PCDHA6: variants seen among roughly 807,000 people sequenced by gnomAD.
The protein encoded by PCDHA6 is protocadherin alpha-6.
PCDHA6 carries 55 observed loss-of-function variants against 60.3 expected under a neutral mutation model. The ratio of observed to expected loss-of-function variants is 0.91; its 90% CI spans 0.73 to 1.14. The LOEUF (loss-of-function observed/expected upper bound fraction) is 1.14. Ranked by LOEUF, PCDHA6 falls within the 50% of genes most tolerant of loss-of-function variation. The pLI is 0.00. For missense variants in PCDHA6, 1,327 were observed against 1,256.5 expected (o/e 1.06, Z -0.85); for synonymous variants, 652 against 557.9 (o/e 1.17, Z -2.38).
chr5:140,969,613 T>C (rs2096347317), intron 1 of PCDHA6: 2 of 727,588 alleles, frequency 2.7e-6, no homozygotes, highest in African/African-American at 1.8e-5. Flanking sequence ...AAACACAGAT[T>C]TGTAGAGAAA....
chr5:140,842,160 C>T (rs1777743066), intron 1 of PCDHA6: 3 of 1,613,732 alleles, frequency 1.9e-6, no homozygotes, highest in Non-Finnish European at 2.5e-6. Flanking sequence ...ATTTCATATT[C>T]TTTTAATAGC....
In PCDHA6 at chr5:140,882,368, T is replaced by C. The variant is rs781902519; in HGVS notation, c.2394+51883T>C. On this transcript the variant is annotated intron_variant, in intron 1 of 3. Transcript: ENST00000529310. ...GACGGGTAGTGGCCAGCTCCACTAC[T>C]CCGTCCCCGAGGAAGCAAAACACGG... 1.9e-6 allele frequency: 3 copies of C among 1,614,218 alleles called. No individual in the cohort carries two copies. The South Asian group carries it at 3.3e-5, about 18-fold the overall frequency.
chr5:141,010,001 A>G lies in PCDHA6; in HGVS notation c.*64A>G. The G allele has an allele frequency of 6.4e-7, 1 of 1,574,588 alleles. No homozygotes were observed. The highest frequency in any genetic ancestry group is 8.6e-7 in the Non-Finnish European group (1 of 1,164,348). On this transcript the variant is annotated 3_prime_UTR_variant, in exon 4 of 4. Transcript: ENST00000529310. ...TAATAATGGCAAATCTCTCCCATGT[A>G]GCAATTCCCTGCTCCTTTTTCCTAT...
At chr5:140,869,347 G>C (rs782437200) in intron 1 of PCDHA6, 1 of 1,614,082 alleles carries the variant, frequency 6.2e-7, no homozygotes, top group Non-Finnish European at 8.5e-7. Context: ...TCTGCAGAAT[G>C]GCATTTTGTT....
chr5:140,934,043 G>A (rs1241698438), intron 1 of PCDHA6, among the ~76,000 whole-genome samples: 1 of 151,818 alleles, frequency 6.6e-6, no homozygotes, highest in African/African-American at 2.4e-5. Context: ...AATGATATTA[G>A]TCTTTCCAAG....
intron 1 of PCDHA6, chr5:140,927,197 A>G: frequency 6.2e-7 from 1 of 1,614,150 alleles, no homozygotes; most frequent in African/African-American, 1.3e-5. Flanking sequence ...CTGGTGCTCG[A>G]GGACCCGCTG....
intron 1 of PCDHA6, chr5:140,859,371 T>A: frequency 3.8e-6 from 1 of 264,536 alleles, no homozygotes; most frequent in Non-Finnish European, 6.9e-6. Flanking sequence ...TTGTATAGTT[T>A]AATAGCTTCT....
intron 1 of PCDHA6, among the ~76,000 whole-genome samples, chr5:140,941,214 CCTTTCTTTCTTTCTTT>C (rs60032403): frequency 8.2e-6 from 1 of 122,414 alleles, no homozygotes; most frequent in East Asian, 2.3e-4. Context: ...TTTCTTTCTT[CCTTTCTTTCTTTCTTT>C]CTTTCTTTCT....
chr5:140,971,452 T>G (rs1554233345), intron 1 of PCDHA6, among the ~76,000 whole-genome samples: 1 of 152,088 alleles, frequency 6.6e-6, no homozygotes, highest in Admixed American at 6.5e-5. Context: ...CTCCAGAAAT[T>G]TTTGCAGTTA....
At chr5:140,935,358 A>C (rs2090329846) in intron 1 of PCDHA6, among the ~76,000 whole-genome samples, 1 of 152,220 alleles carries the variant, frequency 6.6e-6, no homozygotes, top group East Asian at 1.9e-4. Context: ...CCCAGTTTTC[A>C]TTAACGTCAA....
chr5:140,921,151 A>AT (rs11299094), intron 1 of PCDHA6, among the ~76,000 whole-genome samples: 2 of 151,512 alleles, frequency 1.3e-5, no homozygotes. Context: ...CAGCTAATGC[A>AT]TTTTTTTTTT....
chr5:140,850,377 A>G (rs2150481518), intron 1 of PCDHA6: 3 of 1,597,876 alleles, frequency 1.9e-6, no homozygotes, highest in Middle Eastern at 1.7e-4. Context: ...GGGGCTGTAC[A>G]CGGGCGAGAT....
intron 3 of PCDHA6, among the ~76,000 whole-genome samples, chr5:141,005,701 CAAAAAAAAAAAAAAAAAA>C (rs59860837): frequency 2.6e-4 from 2 of 7,786 alleles, no homozygotes; most frequent in Non-Finnish European, 5.4e-4. Flanking sequence ...AACTCCGTCT[CAAAAAAAAAAAAAAAAAA>C]AAAAAAAAAA....
At chr5:140,928,475 G>A (rs369473809) in intron 1 of PCDHA6, 1 of 1,614,136 alleles carries the variant, frequency 6.2e-7, no homozygotes, top group African/African-American at 1.3e-5. Context: ...GTAGAAGGCC[G>A]GGATGGTGGC....
intron 1 of PCDHA6, chr5:140,843,355 G>T (rs1554139992): frequency 1.9e-6 from 3 of 1,596,010 alleles, no homozygotes; most frequent in Admixed American, 1.7e-5. Context: ...CTCCAAAAGC[G>T]TCATCGAGGC....
intron 1 of PCDHA6, chr5:140,870,971 T>TG (rs782370379): frequency 3.7e-6 from 6 of 1,613,594 alleles, no homozygotes; most frequent in Non-Finnish European, 5.1e-6. Context: ...CCGTTCCGCG[T>TG]GGGGCTGTAC....
At chr5:140,884,656 G>GA (rs1317691755) in intron 1 of PCDHA6, 2 of 1,602,060 alleles carry the variant, frequency 1.2e-6, no homozygotes, top group Non-Finnish European at 1.7e-6. Flanking sequence ...CAGAATGCTT[G>GA]AAAGAGGTAA....
intron 1 of PCDHA6, among the ~76,000 whole-genome samples, chr5:140,962,286 T>C (rs1209495659): frequency 1.3e-5 from 2 of 152,224 alleles, no homozygotes; most frequent in Admixed American, 6.5e-5. Context: ...CCTCAACCTT[T>C]AATATTCTAT....
intron 1 of PCDHA6, among the ~76,000 whole-genome samples, chr5:140,939,802 A>C (rs1347672258): frequency 6.6e-6 from 1 of 152,220 alleles, no homozygotes; most frequent in Admixed American, 6.5e-5. Context: ...AATGTTCTGC[A>C]TGTTCAAGAA....
Sources: gnomAD v4.1 joint callset for allele counts (sites outside exome capture counted in the v4.1 genomes callset) on GRCh38, gnomAD v4.1.1 for gene constraint, MANE v1.5 for transcripts, NCBI Gene and HGNC (gene_info 2026-07-23, HGNC 2026-07-21) for gene names.